The following BTK variants were observed in gnomAD, a reference collection of about 807,000 sequenced individuals.
The protein encoded by BTK is tyrosine-protein kinase BTK.
BTK carries 5 observed loss-of-function variants against 57.4 expected under a neutral mutation model. That is an observed-to-expected ratio of 0.09 (90% confidence interval 0.05 to 0.18). The LOEUF is 0.18. BTK is among the 10% of genes least tolerant of loss of function. BTK has a pLI of 1.00. For synonymous variants in BTK, 154 were observed against 174.3 expected (o/e 0.88, Z 0.92); for missense variants, 194 against 501.2 (o/e 0.39, Z 5.85).
At chrX:101,357,467 C>T in intron 13 of BTK, 42 bp downstream of exon 13, 1 of 1,162,784 alleles carries the variant, frequency 8.6e-7, no homozygotes, top group Admixed American at 2.2e-5. Context: ...GTAGTTTTTG[C>T]AACTGGCCAG....
At chrX:101,375,078 C>A (rs1927163472) in intron 2 of BTK, 66 bp downstream of exon 2, 6 of 1,192,216 alleles carry the variant, frequency 5.0e-6, no homozygotes, top group Non-Finnish European at 2.3e-6. Flanking sequence ...TACCTCTTCC[C>A]CAAGAAAGAT....
Position 101,369,029 on chromosome X carries a change from G to A in BTK, c.391+969C>T, listed in dbSNP as rs3027635. Among the ~76,000 whole-genome samples, 374 of 112,442 alleles carry A rather than the reference G, an allele frequency of 3.3e-3. 4 individuals are homozygous for A. Among genetic ancestry groups the A allele is most frequent in the African/African-American group, 0.012 (365 of 31,029 alleles). ...CAACCAGTTAATCTCTCAGTCACTT[G>A]ACATGTGGCTATATATACACACAAA... is the stretch of plus-strand genomic sequence containing the variant. On this transcript the variant is annotated intron_variant, in intron 5 of 18. Coordinates refer to ENST00000308731, the MANE Select transcript of BTK (RefSeq NM_000061.3).
intron 9 of BTK, 79 bp from the exon 10 acceptor site, chrX:101,359,426 A>G (rs1926593007): frequency 3.1e-6 from 3 of 956,706 alleles, no homozygotes; most frequent in South Asian, 3.9e-5. Context: ...GGGCTTGTCC[A>G]TGTCAGTGAT....
intron 5 of BTK, among the ~76,000 whole-genome samples, chrX:101,363,486 C>T (rs1555978986): frequency 1.8e-5 from 2 of 110,281 alleles, no homozygotes; most frequent in Admixed American, 9.7e-5. Flanking sequence ...TTTGGGAGGC[C>T]GAGGTGGGTG....
intron 5 of BTK, among the ~76,000 whole-genome samples, chrX:101,367,207 C>G (rs1286269061): frequency 9.6e-6 from 1 of 103,665 alleles, no homozygotes; most frequent in East Asian, 3.1e-4. Flanking sequence ...TCACGTCACT[C>G]TACTCCAGCC....
chrX:101,374,035 ACT>A (rs1376764677), intron 3 of BTK, among the ~76,000 whole-genome samples: 4 of 109,379 alleles, frequency 3.7e-5, no homozygotes, highest in Non-Finnish European at 7.6e-5. Flanking sequence ...ACAGAGCGAG[ACT>A]CTGTCTAAAA....
At chrX:101,354,922 A>C (rs1257862009) in intron 15 of BTK, among the ~76,000 whole-genome samples, 5 of 112,208 alleles carry the variant, frequency 4.5e-5, no homozygotes, top group Non-Finnish European at 9.4e-5. Flanking sequence ...GAGGACATAC[A>C]GAACGATTGC....
At position 101,358,459 on chromosome X, in the gene BTK, C is replaced by A. The variant is rs1207446981; in HGVS notation, c.975-22G>T. 3 of 1,209,712 alleles carry A rather than the reference C, an allele frequency of 2.5e-6. No individual in the cohort carries two copies. In the African/African-American group the frequency reaches 5.2e-5, roughly 21 times the overall value. ...GTCCCTGAAGAAGTGGATGCTTAGT[C>A]AGTAACTTGGGCACAAAGGTCAACA... On this transcript the variant is annotated intron_variant, in intron 11 of 18. Transcript: ENST00000308731.
chrX:101,362,708 G>A lies in BTK; in HGVS notation c.392-19C>T. 8 of 1,211,471 alleles carry A rather than the reference G, an allele frequency of 6.6e-6. No homozygotes were observed. Among genetic ancestry groups the A allele is most frequent in the Non-Finnish European group, 8.9e-6 (8 of 895,181 alleles). ...CGGATTACTGTAGCAGGAAAGAAGAGAGAGATCACATCTGACATGGAGGAG... is the reference window on the plus strand; with the variant it reads ...CGGATTACTGTAGCAGGAAAGAAGAAAGAGATCACATCTGACATGGAGGAG... On this transcript the variant is annotated intron_variant, in intron 5 of 18. Transcript: ENST00000308731.
intron 16 of BTK, among the ~76,000 whole-genome samples, chrX:101,354,394 A>T (rs187117503): frequency 1.8e-5 from 2 of 111,710 alleles, no homozygotes; most frequent in East Asian, 5.6e-4. Flanking sequence ...AAATAGATTT[A>T]AAAAAGAGGA....
upstream of BTK, chrX:101,390,711 G>A (rs1386421261): frequency 2.2e-6 from 1 of 459,623 alleles, no homozygotes; most frequent in East Asian, 3.7e-5. Context: ...CGGGGACGGG[G>A]AGGCCAGAGG....
chrX:101,353,772 G>T (rs782324066), intron 17 of BTK, 98 bp downstream of exon 17: 10 of 763,605 alleles, frequency 1.3e-5, no homozygotes, highest in Non-Finnish European at 2.0e-5. Context: ...AAGAATGAAA[G>T]CAAGAACAAT....
At chrX:101,373,981 G>A (rs1280502640) in intron 3 of BTK, among the ~76,000 whole-genome samples, 1 of 110,211 alleles carries the variant, frequency 9.1e-6, no homozygotes, top group African/African-American at 3.3e-5. Flanking sequence ...GGAGGTGAAG[G>A]TTGCAGTGAG....
At chrX:101,355,225 C>T (rs782279870) in intron 15 of BTK, among the ~76,000 whole-genome samples, 1 of 112,144 alleles carries the variant, frequency 8.9e-6, no homozygotes, top group Admixed American at 9.5e-5. Context: ...TGCAGTGAGC[C>T]GAGATGGTGC....
At chrX:101,382,352 A>C (rs1555981888) in intron 1 of BTK, among the ~76,000 whole-genome samples, 1 of 89,678 alleles carries the variant, frequency 1.1e-5, no homozygotes, top group Non-Finnish European at 2.1e-5. Context: ...TTTGAGACAG[A>C]GTCTCGCTCT....
intron 1 of BTK, among the ~76,000 whole-genome samples, chrX:101,379,809 T>C (rs933177573): frequency 8.9e-6 from 1 of 112,071 alleles, no homozygotes; most frequent in Non-Finnish European, 1.9e-5. Flanking sequence ...CCTAAGCTCT[T>C]TCCTCTGCAA....
chrX:101,357,369 T>A (rs1458064159), intron 13 of BTK, 140 bp downstream of exon 13: 3 of 561,534 alleles, frequency 5.3e-6, no homozygotes, highest in African/African-American at 2.3e-5. Context: ...GTGAATAACT[T>A]TTGCTTGGAT....
Position 101,377,213 on chromosome X carries a change from T to C in BTK, c.-30-1899A>G, listed in dbSNP as rs186391048. ...AATCAGCCCTTCCCAACACTCAGTT[T>C]TAGCTCTAAACTCAAAGAGGTTCAT... is the stretch of plus-strand genomic sequence containing the variant. On this transcript the variant is annotated intron_variant, in intron 1 of 18. Transcript: ENST00000308731. Among the ~76,000 whole-genome samples the C allele has an allele frequency of 2.0e-4, 22 of 111,274 alleles. No individual in the cohort carries two copies. In the East Asian group the frequency reaches 3.9e-3, roughly 20 times the overall value.
chrX:101,373,008 G>A (rs1419957858), intron 3 of BTK, among the ~76,000 whole-genome samples: 7 of 108,348 alleles, frequency 6.5e-5, no homozygotes, highest in Non-Finnish European at 1.3e-4. Flanking sequence ...CACTTGAACC[G>A]GAGGCAGAGG....
Sources: gnomAD v4.1 joint callset for allele counts (sites outside exome capture counted in the v4.1 genomes callset) on GRCh38, gnomAD v4.1.1 for gene constraint, MANE v1.5 for transcripts, NCBI Gene and HGNC (gene_info 2026-07-23, HGNC 2026-07-21) for gene names.